GRM7: variants seen among roughly 807,000 people sequenced by gnomAD.
GRM7 encodes the protein glutamate metabotropic receptor 7.
Under a neutral mutation model 84.5 loss-of-function variants are expected in GRM7, and 35 were observed. That is an observed-to-expected ratio of 0.41 (90% CI 0.32 to 0.55). GRM7 has a LOEUF of 0.55. Among genes scored for constraint, GRM7 ranks in the 20% least tolerant of loss-of-function variants. The pLI is 0.19. For synonymous variants in GRM7, 487 were observed against 455.1 expected (o/e 1.07, Z -0.89); for missense variants, 1,003 against 1,194.6 (o/e 0.84, Z 2.36).
chr3:7,405,981 A>G (rs898807505), intron 4 of GRM7, among the ~76,000 whole-genome samples: 5 of 151,680 alleles, frequency 3.3e-5, no homozygotes, highest in Admixed American at 2.0e-4. Context: ...AATATTATAT[A>G]TATAATGGTA....
At chr3:7,586,234 T>C (rs1405986198) in intron 8 of GRM7, among the ~76,000 whole-genome samples, 2 of 152,208 alleles carry the variant, frequency 1.3e-5, no homozygotes, top group Admixed American at 1.3e-4. Flanking sequence ...AGTGGGAATA[T>C]AAAACATGGT....
At chr3:7,054,733 TTCTG>T (rs1462663482) in intron 1 of GRM7, among the ~76,000 whole-genome samples, 1 of 151,874 alleles carries the variant, frequency 6.6e-6, no homozygotes, top group African/African-American at 2.4e-5. Flanking sequence ...CTCTCTCTCT[TTCTG>T]TCTGTCTCTC....
intron 1 of GRM7, among the ~76,000 whole-genome samples, chr3:7,067,235 C>G (rs1697700416): frequency 6.6e-6 from 1 of 151,918 alleles, no homozygotes; most frequent in Admixed American, 6.6e-5. Flanking sequence ...CAAACTGTCA[C>G]TGTTTGCTGA....
chr3:7,693,965 G>T (rs1231921639), intron 9 of GRM7, among the ~76,000 whole-genome samples: 1 of 152,124 alleles, frequency 6.6e-6, no homozygotes, highest in Non-Finnish European at 1.5e-5. Context: ...TCCCTACTGT[G>T]ATCTATTGTT....
chr3:7,029,759 G>C (rs1696123421), intron 1 of GRM7, among the ~76,000 whole-genome samples: 1 of 152,154 alleles, frequency 6.6e-6, no homozygotes, highest in Non-Finnish European at 1.5e-5. Context: ...AGTTTGGGAA[G>C]ATGAAAAAGT....
At chr3:7,103,459 C>A (rs1039583743) in intron 1 of GRM7, among the ~76,000 whole-genome samples, 3 of 151,796 alleles carry the variant, frequency 2.0e-5, no homozygotes, top group East Asian at 3.9e-4. Flanking sequence ...GAGTTCCCCC[C>A]ACACAAATTT....
intron 1 of GRM7, among the ~76,000 whole-genome samples, chr3:7,072,436 CT>C (rs1697917716): frequency 6.6e-6 from 1 of 152,074 alleles, no homozygotes; most frequent in African/African-American, 2.4e-5. Flanking sequence ...TATCCCAGCA[CT>C]TTAGGAGGCT....
rs117326297 is a variant in GRM7, at chr3:7,181,826, G to A, written c.736+35158G>A. Among the ~76,000 whole-genome samples, 133 of 151,978 alleles carry A rather than the reference G, an allele frequency of 8.8e-4. 1 individual carries two copies. In the East Asian group the frequency reaches 0.021, roughly 24 times the overall value. On this transcript the variant is annotated intron_variant, in intron 2 of 9. Coordinates refer to ENST00000357716, the MANE Select transcript of GRM7 (RefSeq NM_000844.4). ...TGAGGTGACTATGTTGGCCAGGCTG[G>A]TCTCAAACTTTTGAGCTCAAGCGAT... is the stretch of plus-strand genomic sequence containing the variant.
chr3:7,107,159 A>G (rs938525593), intron 1 of GRM7, among the ~76,000 whole-genome samples: 3 of 152,008 alleles, frequency 2.0e-5, no homozygotes, highest in Non-Finnish European at 4.4e-5. Flanking sequence ...GTTACTGAGC[A>G]CTCATCAGGA....
intron 7 of GRM7, among the ~76,000 whole-genome samples, chr3:7,555,478 C>T (rs1693713472): frequency 6.6e-6 from 1 of 152,162 alleles, no homozygotes; most frequent in African/African-American, 2.4e-5. Context: ...CATTTTAACT[C>T]ACATTTTGCA....
chr3:7,423,758 C>CAACTATATA (rs1408962912), intron 5 of GRM7, among the ~76,000 whole-genome samples: 1 of 147,648 alleles, frequency 6.8e-6, no homozygotes, highest in Non-Finnish European at 1.5e-5. Flanking sequence ...AAATAAATAT[C>CAACTATATA]AACTATATAT....
At chr3:7,133,849 T>C (rs116524790) in intron 1 of GRM7, among the ~76,000 whole-genome samples, 2,230 of 152,282 alleles carry the variant, frequency 0.015, 30 homozygotes, top group African/African-American at 0.039. Flanking sequence ...CCTTTGCTTT[T>C]CTCTGTTACT....
chr3:7,677,983 C>G (rs1445988685), intron 8 of GRM7, among the ~76,000 whole-genome samples: 1 of 152,072 alleles, frequency 6.6e-6, no homozygotes, highest in African/African-American at 2.4e-5. Flanking sequence ...AACACAGAAA[C>G]AGAAAATCAA....
intron 3 of GRM7, among the ~76,000 whole-genome samples, chr3:7,302,830 C>T (rs1700049703): frequency 6.6e-6 from 1 of 150,890 alleles, no homozygotes; most frequent in Non-Finnish European, 1.5e-5. Flanking sequence ...CTTAGGTTAA[C>T]TCCAGTAATG....
At position 6,998,119 on chromosome 3, in the gene GRM7, C is replaced by CAAAAAAAAAAA. The variant is rs3063449; in HGVS notation, c.519+136222_519+136232dup. On this transcript the variant is annotated intron_variant, in intron 1 of 9. Coordinates refer to ENST00000357716, the MANE Select transcript of GRM7 (RefSeq NM_000844.4). Reference sequence around the variant, plus strand: ...GGGCAAAAACAGCAAATCTCCATCTCAAAAAAAAAAAAAAAAAAAAGCAGG... The same window carrying CAAAAAAAAAAA: ...GGGCAAAAACAGCAAATCTCCATCTCAAAAAAAAAAAAAAAAAAAAAAAAAAAAAAAGCAGG... 1.0e-3 allele frequency among the ~76,000 whole-genome samples: 19 copies of CAAAAAAAAAAA among 18,432 alleles called. 7 individuals carry two copies. Among genetic ancestry groups the CAAAAAAAAAAA allele is most frequent in the East Asian group, 4.4e-3 (2 of 456 alleles). 12.1% of individuals were successfully genotyped at this position (18,432 alleles called of 152,430 possible).
chr3:7,138,535 A>G (rs1433758594), intron 1 of GRM7, among the ~76,000 whole-genome samples: 2 of 152,026 alleles, frequency 1.3e-5, no homozygotes, highest in East Asian at 3.9e-4. Flanking sequence ...AAGAGTGAGA[A>G]GTTAAAATAT....
At chr3:7,099,597 C>T (rs905437956) in intron 1 of GRM7, among the ~76,000 whole-genome samples, 1 of 136,392 alleles carries the variant, frequency 7.3e-6, no homozygotes, top group Non-Finnish European at 1.6e-5. Flanking sequence ...TATATGTACA[C>T]GCATTATACA....
At chr3:7,481,032 G>A (rs894228030) in intron 7 of GRM7, among the ~76,000 whole-genome samples, 1 of 151,880 alleles carries the variant, frequency 6.6e-6, no homozygotes, top group South Asian at 2.1e-4. Flanking sequence ...CACGGACAGG[G>A]CCATTGGGCT....
At chr3:7,105,708 G>A (rs547709028) in intron 1 of GRM7, among the ~76,000 whole-genome samples, 2 of 151,510 alleles carry the variant, frequency 1.3e-5, no homozygotes, top group African/African-American at 4.8e-5. Flanking sequence ...AGTTCTTTCA[G>A]GTATTTTGTG....
Sources: allele counts gnomAD v4.1 joint callset (sites outside exome capture counted in the v4.1 genomes callset), GRCh38; gene constraint gnomAD v4.1.1; transcripts MANE v1.5; gene names NCBI Gene and HGNC (gene_info 2026-07-23, HGNC 2026-07-21).